Variants in MTSS1 observed in about 807,000 individuals in gnomAD.
MTSS1 encodes protein MTSS 1.
MTSS1 carries 18 observed loss-of-function variants against 79.0 expected under a neutral mutation model. The observed-to-expected ratio is 0.23, with a 90% CI of 0.16 to 0.34. The LOEUF (loss-of-function observed/expected upper bound fraction) is 0.34. Ranked by LOEUF, MTSS1 falls within the 10% of genes least tolerant of loss-of-function variation. The probability of loss-of-function intolerance (pLI) is 1.00; values close to 1 mark genes in which losing one functional copy is unlikely to be tolerated. For synonymous variants in MTSS1, 341 were observed against 368.6 expected (o/e 0.93, Z 0.86); for missense variants, 815 against 986.2 (o/e 0.83, Z 2.33).
chr8:124,727,704 C>T lies in MTSS1; in HGVS notation c.72+180G>A, dbSNP rs1051694899. On this transcript the variant is annotated intron_variant, in intron 1 of 13. Coordinates refer to ENST00000518547, the MANE Select transcript of MTSS1 (RefSeq NM_014751.6). This position sits in a 1 kb window ranked among gnomAD's most constrained non-coding sequence, Gnocchi z 4.7. ...CAGAGAAGCCACCCGCCCAGTGACC[C>T]CGCAGAGCCCGGAGCAGCGCCCCGG... 2 of 676,208 alleles carry T rather than the reference C, an allele frequency of 3.0e-6. No homozygotes were observed. Among genetic ancestry groups the T allele is most frequent in the East Asian group, 5.8e-5 (2 of 34,480 alleles). 41.9% of individuals were successfully genotyped at this position (676,208 alleles called of 1,614,324 possible).
chr8:124,634,800 C>T (rs1377356050), intron 3 of MTSS1, among the ~76,000 whole-genome samples: 4 of 152,108 alleles, frequency 2.6e-5, no homozygotes, highest in Admixed American at 1.3e-4. Flanking sequence ...GGGAGTGTGA[C>T]GGAAATGCAG....
chr8:124,559,699 G>A (rs1004859861), intron 10 of MTSS1, among the ~76,000 whole-genome samples: 1 of 152,138 alleles, frequency 6.6e-6, no homozygotes, highest in Non-Finnish European at 1.5e-5. Context: ...TTCTAGTTCT[G>A]GACCTGGCAC....
chr8:124,661,852 CT>C (rs1475954706), intron 3 of MTSS1, among the ~76,000 whole-genome samples: 1 of 152,230 alleles, frequency 6.6e-6, no homozygotes, highest in African/African-American at 2.4e-5. Flanking sequence ...CCACATCTGT[CT>C]GCATTTCTGA....
chr8:124,721,391 TACTTTA>T (rs1832899864), intron 1 of MTSS1, among the ~76,000 whole-genome samples: 1 of 15,374 alleles, frequency 6.5e-5, no homozygotes, highest in Non-Finnish European at 1.8e-4. Context: ...TCAGTTTATT[TACTTTA>T]ACATTTAACT....
intron 3 of MTSS1, among the ~76,000 whole-genome samples, chr8:124,629,965 G>C (rs888624314): frequency 6.6e-6 from 1 of 152,168 alleles, no homozygotes; most frequent in East Asian, 1.9e-4. Flanking sequence ...GAATTGAGTC[G>C]CTGAGGACAG....
At chr8:124,568,344 C>T (rs762139964) in intron 7 of MTSS1, 35 bp downstream of exon 7, 1 of 1,596,108 alleles carries the variant, frequency 6.3e-7, no homozygotes, top group East Asian at 2.2e-5. Flanking sequence ...TCTACACCAG[C>T]AGTTTAAACC....
Position 124,727,844 on chromosome 8 carries a change from C to A in MTSS1, c.72+40G>T, listed in dbSNP as rs1430573744. 7 of 1,535,588 alleles carry A rather than the reference C, an allele frequency of 4.6e-6. No homozygotes were observed. Among genetic ancestry groups the A allele is most frequent in the Admixed American group, 2.1e-5 (1 of 47,456 alleles). ...GCGAAGCGCGGCGGCGAGGTCAGAG[C>A]GCGGCGGCCGGCGCCGCAGCCGCAC... On this transcript the variant is annotated intron_variant, in intron 1 of 13. Transcript: ENST00000518547. This position sits in a 1 kb window ranked among gnomAD's most constrained non-coding sequence, Gnocchi z 4.7.
Position 124,558,395 on chromosome 8 carries a change from G to C in MTSS1, c.1036-520C>G, listed in dbSNP as rs143121597. On this transcript the variant is annotated intron_variant, in intron 10 of 13. Transcript: ENST00000518547. Reference sequence around the variant, plus strand: ...GACACAGTGACATGGCTCATCCAACGGTCTGGTGGGTGGCTCGGGAAGGGA... The same window carrying C: ...GACACAGTGACATGGCTCATCCAACCGTCTGGTGGGTGGCTCGGGAAGGGA... Among the ~76,000 whole-genome samples the C allele has an allele frequency of 7.1e-3, 1,075 of 152,200 alleles. 12 individuals carry two copies. Among genetic ancestry groups the C allele is most frequent in the Admixed American group, 0.014 (213 of 15,300 alleles).
At chr8:124,590,030 G>T (rs577161986) in intron 4 of MTSS1, among the ~76,000 whole-genome samples, 13 of 152,198 alleles carry the variant, frequency 8.5e-5, no homozygotes, top group African/African-American at 3.1e-4. Flanking sequence ...CTAATTTTTT[G>T]TATTTTAGTA....
In MTSS1 at chr8:124,727,700, G is replaced by A. The variant is rs900065216; in HGVS notation, c.72+184C>T. 1.5e-6 allele frequency: 1 copy of A among 674,268 alleles called. No homozygotes were observed. Among genetic ancestry groups the A allele is most frequent in the East Asian group, 2.9e-5 (1 of 34,436 alleles). The allele number at this position is 674,268 out of a possible 1,614,324, so 41.8% of individuals were successfully genotyped here. ...CCCCCAGAGAAGCCACCCGCCCAGT[G>A]ACCCCGCAGAGCCCGGAGCAGCGCC... is the stretch of plus-strand genomic sequence containing the variant. On this transcript the variant is annotated intron_variant, in intron 1 of 13. Coordinates refer to ENST00000518547, the MANE Select transcript of MTSS1 (RefSeq NM_014751.6). The surrounding 1 kb of genome is among the most constrained non-coding windows in gnomAD (Gnocchi z 4.7).
In MTSS1 at chr8:124,551,789, A is replaced by T. The variant is rs532295021; in HGVS notation, c.*1203T>A. ...AAAAAAAGGACAGTATAGTGGTCAG[A>T]TTCCCAGTGACAATAAACAAATCCT... is the stretch of plus-strand genomic sequence containing the variant. On this transcript the variant is annotated 3_prime_UTR_variant, in exon 14 of 14. Transcript: ENST00000518547. 1 of 152,638 alleles carries T rather than the reference A, an allele frequency of 6.6e-6. No individual in the cohort carries two copies. The highest frequency in any genetic ancestry group is 2.1e-4 in the South Asian group (1 of 4,824). 9.5% of individuals were successfully genotyped at this position (152,638 alleles called of 1,614,324 possible). A position where few individuals can be genotyped will look rare whatever the true frequency, so the allele number is the denominator to read the frequency against.
At chr8:124,689,200 T>G (rs1827521227) in intron 3 of MTSS1, among the ~76,000 whole-genome samples, 1 of 152,194 alleles carries the variant, frequency 6.6e-6, no homozygotes, top group Non-Finnish European at 1.5e-5. Context: ...AGTGAAAATT[T>G]TAGTTCCAAC....
chr8:124,590,841 C>G (rs143074489), intron 4 of MTSS1, among the ~76,000 whole-genome samples: 1 of 152,154 alleles, frequency 6.6e-6, no homozygotes, highest in South Asian at 2.1e-4. Context: ...GCGAGGCTCC[C>G]GCAGGGCAGT....
At chr8:124,605,386 C>G (rs918107064) in intron 3 of MTSS1, among the ~76,000 whole-genome samples, 6 of 152,224 alleles carry the variant, frequency 3.9e-5, no homozygotes, top group Non-Finnish European at 1.5e-5. Flanking sequence ...ATCTCCCAGT[C>G]AGCCTTCTTG....
chr8:124,695,744 A>C (rs551347095), intron 3 of MTSS1, among the ~76,000 whole-genome samples: 1 of 152,348 alleles, frequency 6.6e-6, no homozygotes, highest in South Asian at 2.1e-4. Flanking sequence ...TGGAAAGATA[A>C]CTATAATATA....
At chr8:124,665,021 T>C (rs1369106020) in intron 3 of MTSS1, among the ~76,000 whole-genome samples, 1 of 152,214 alleles carries the variant, frequency 6.6e-6, no homozygotes, top group African/African-American at 2.4e-5. Flanking sequence ...ACTAAATTGA[T>C]AGTTCTTGGA....
intron 3 of MTSS1, among the ~76,000 whole-genome samples, chr8:124,621,750 C>T (rs544571676): frequency 5.3e-4 from 80 of 152,140 alleles, no homozygotes; most frequent in African/African-American, 1.7e-3. Context: ...GGTTTCACCA[C>T]GTTGGCCAGG....
chr8:124,599,145 C>A lies in MTSS1; in HGVS notation c.209-7910G>T, dbSNP rs1833295950. Among the ~76,000 whole-genome samples, 2 of 152,172 alleles carry A rather than the reference C, an allele frequency of 1.3e-5. 1 individual carries two copies. The highest frequency in any genetic ancestry group is 4.8e-5 in the African/African-American group (2 of 41,442). ...GCGCTTGAACAGCAGCTCCCGTTCCCCCACAGTGAAATTGATTACTGTACC... is the reference window on the plus strand; with the variant it reads ...GCGCTTGAACAGCAGCTCCCGTTCCACCACAGTGAAATTGATTACTGTACC... On this transcript the variant is annotated intron_variant, in intron 3 of 13. Coordinates refer to ENST00000518547, the MANE Select transcript of MTSS1 (RefSeq NM_014751.6).
At chr8:124,693,656 G>A (rs1229951362) in intron 3 of MTSS1, among the ~76,000 whole-genome samples, 1 of 152,024 alleles carries the variant, frequency 6.6e-6, no homozygotes, top group African/African-American at 2.4e-5. Flanking sequence ...GCGTCCACCT[G>A]CCTTCCTCCT....
Sources: gnomAD v4.1 joint callset for allele counts (sites outside exome capture counted in the v4.1 genomes callset) on GRCh38, gnomAD v4.1.1 for gene constraint, Gnocchi (gnomAD v3.1) non-coding constraint, MANE v1.5 for transcripts, NCBI Gene and HGNC (gene_info 2026-07-23, HGNC 2026-07-21) for gene names.